RASSF8: variants seen among roughly 807,000 people sequenced by gnomAD.
RASSF8 encodes the protein Ras association domain family member 8.
In RASSF8, 22 loss-of-function variants were observed where a neutral mutation model predicts 48.5. That is an observed-to-expected ratio of 0.45 (90% CI 0.32 to 0.65). The LOEUF is 0.65. Ranked by LOEUF, RASSF8 falls within the 30% of genes least tolerant of loss-of-function variation. RASSF8 has a pLI of 0.03. For missense variants in RASSF8, 418 were observed against 489.2 expected (o/e 0.85, Z 1.37); for synonymous variants, 127 against 171.5 (o/e 0.74, Z 2.03).
At chr12:26,035,077 T>TA (rs1179446489) in intron 2 of RASSF8, among the ~76,000 whole-genome samples, 1 of 152,142 alleles carries the variant, frequency 6.6e-6, no homozygotes, top group Non-Finnish European at 1.5e-5. Context: ...ATACTACTGG[T>TA]AAAAATTATT....
chr12:26,023,362 TAAAGAG>T (rs1479979916), intron 2 of RASSF8, among the ~76,000 whole-genome samples: 3 of 152,084 alleles, frequency 2.0e-5, no homozygotes, highest in Admixed American at 1.3e-4. Context: ...TGCTGAAAGA[TAAAGAG>T]AAAATCTTAA....
At chr12:26,007,246 C>T (rs1942414097) in intron 2 of RASSF8, among the ~76,000 whole-genome samples, 1 of 152,134 alleles carries the variant, frequency 6.6e-6, no homozygotes, top group African/African-American at 2.4e-5. Context: ...CCCCACGTCC[C>T]CACTGCCACA....
Position 26,041,542 on chromosome 12 carries a change from T to A in RASSF8, c.-108-13694T>A, listed in dbSNP as rs528633299. On this transcript the variant is annotated intron_variant, in intron 2 of 5. Coordinates refer to ENST00000689635, the MANE Select transcript of RASSF8 (RefSeq NM_001394098.1). ...CACAAGACTAGGAATTGTAAAGAAG[T>A]GGGGAAAACTCTGATTTCTAGCTTA... Among the ~76,000 whole-genome samples the A allele has an allele frequency of 8.6e-5, 13 of 151,816 alleles. No homozygotes were observed. The South Asian group carries it at 2.7e-3, about 32-fold the overall frequency.
In RASSF8 at chr12:25,965,028, C is replaced by T. The variant is rs369466556; in HGVS notation, c.-203+5880C>T. On this transcript the variant is annotated intron_variant, in intron 1 of 5. Transcript: ENST00000689635. ...CACGATCTTGGCTCACTGCAAGCTC[C>T]GCCTCCCGGGTTCATGCCATTCTCC... Among the ~76,000 whole-genome samples, 29 of 151,440 alleles carry T rather than the reference C, an allele frequency of 1.9e-4. No individual in the cohort carries two copies. The East Asian group carries it at 4.0e-3, about 21-fold the overall frequency.
chr12:25,965,618 A>G (rs890727456), intron 1 of RASSF8, among the ~76,000 whole-genome samples: 4 of 152,030 alleles, frequency 2.6e-5, no homozygotes, highest in Admixed American at 6.6e-5. Flanking sequence ...AGCCTCCCAA[A>G]GTACTGGGAT....
At chr12:25,967,843 C>T (rs996453691) in intron 1 of RASSF8, among the ~76,000 whole-genome samples, 1 of 152,210 alleles carries the variant, frequency 6.6e-6, no homozygotes, top group Non-Finnish European at 1.5e-5. Context: ...TCTATCCAGG[C>T]AAGTAGCTCT....
Position 26,069,826 on chromosome 12 carries a change from A to G in RASSF8, c.*1008A>G. On this transcript the variant is annotated 3_prime_UTR_variant, in exon 6 of 6. Transcript: ENST00000689635. ...ATTGCTTGCACATAATTTGCTCTGCATATTATGGACCATTGTGGTTTCTTC... is the reference window on the plus strand; with the variant it reads ...ATTGCTTGCACATAATTTGCTCTGCGTATTATGGACCATTGTGGTTTCTTC... 1 of 985,236 alleles carries G rather than the reference A, an allele frequency of 1.0e-6. No homozygotes were observed. The highest frequency in any genetic ancestry group is 1.2e-6 in the Non-Finnish European group (1 of 829,748). The allele number at this position is 985,236 out of a possible 1,614,324, so 61.0% of individuals were successfully genotyped here. A position where few individuals can be genotyped will look rare whatever the true frequency, so the allele number is the denominator to read the frequency against.
In RASSF8 at chr12:26,024,483, CCT is replaced by C. The variant is rs529748120; in HGVS notation, c.-109+29354_-109+29355del. 3.3e-3 allele frequency among the ~76,000 whole-genome samples: 506 copies of C among 152,256 alleles called. 1 individual carries two copies. Among genetic ancestry groups the C allele is most frequent in the Non-Finnish European group, 5.4e-3 (370 of 68,022 alleles). On this transcript the variant is annotated intron_variant, in intron 2 of 5. Coordinates refer to ENST00000689635, the MANE Select transcript of RASSF8 (RefSeq NM_001394098.1). Reference sequence around the variant, plus strand: ...GCTCATTCTGCGAGGCCAGAATTACCCTGATACCAAGACCAGACAAAACTTTA... The same window carrying C: ...GCTCATTCTGCGAGGCCAGAATTACCGATACCAAGACCAGACAAAACTTTA...
intron 1 of RASSF8, among the ~76,000 whole-genome samples, chr12:25,971,479 T>C (rs533722481): frequency 6.6e-6 from 1 of 152,304 alleles, no homozygotes; most frequent in African/African-American, 2.4e-5. Context: ...GAAAAACTTC[T>C]GATGATCTCT....
chr12:26,062,299 TA>T (rs946276889), intron 3 of RASSF8, among the ~76,000 whole-genome samples: 66 of 152,370 alleles, frequency 4.3e-4, no homozygotes, highest in African/African-American at 1.6e-3. Flanking sequence ...GAGTAATTTT[TA>T]ACCTGAAAAT....
intron 2 of RASSF8, among the ~76,000 whole-genome samples, chr12:26,045,468 A>C (rs1212207939): frequency 6.6e-6 from 1 of 152,108 alleles, no homozygotes; most frequent in African/African-American, 2.4e-5. Context: ...CCGTTTCCTC[A>C]CAAAATTATT....
At chr12:26,012,400 A>G (rs983404937) in intron 2 of RASSF8, among the ~76,000 whole-genome samples, 1 of 152,200 alleles carries the variant, frequency 6.6e-6, no homozygotes, top group Non-Finnish European at 1.5e-5. Flanking sequence ...TGTAACTGGC[A>G]ATGAATATTT....
intron 2 of RASSF8, among the ~76,000 whole-genome samples, chr12:26,003,646 G>A (rs1010271677): frequency 6.6e-6 from 1 of 151,848 alleles, no homozygotes; most frequent in Admixed American, 6.6e-5. Flanking sequence ...AACCTAGAAG[G>A]AAACATACTA....
chr12:26,028,921 A>T (rs936256326), intron 2 of RASSF8, among the ~76,000 whole-genome samples: 1 of 152,148 alleles, frequency 6.6e-6, no homozygotes, highest in Non-Finnish European at 1.5e-5. Context: ...TTGCTTTTTT[A>T]AAAAAAGCCA....
At chr12:26,044,210 GC>G (rs778502992) in intron 2 of RASSF8, among the ~76,000 whole-genome samples, 5 of 152,000 alleles carry the variant, frequency 3.3e-5, no homozygotes, top group African/African-American at 4.8e-5. Context: ...AGTGATTTTT[GC>G]CAGTTTGCTT....
At chr12:25,994,550 A>G (rs1383242404) in intron 1 of RASSF8, among the ~76,000 whole-genome samples, 1 of 152,214 alleles carries the variant, frequency 6.6e-6, no homozygotes, top group Non-Finnish European at 1.5e-5. Context: ...CAGTAGTAGG[A>G]ATTTGTACTT....
Position 26,050,073 on chromosome 12 carries a change from A to G in RASSF8, c.-108-5163A>G, listed in dbSNP as rs183071859. 5.0e-3 allele frequency among the ~76,000 whole-genome samples: 761 copies of G among 152,308 alleles called. 6 individuals carry two copies. The highest frequency in any genetic ancestry group is 0.017 in the African/African-American group (718 of 41,580). ...GCTGGAATTACAGGCGTGAGCCACC[A>G]CGCCCAGCCAAAGACATAATTCTTA... On this transcript the variant is annotated intron_variant, in intron 2 of 5. Coordinates refer to ENST00000689635, the MANE Select transcript of RASSF8 (RefSeq NM_001394098.1).
chr12:26,075,722 A>G (rs1029417648), downstream of RASSF8, among the ~76,000 whole-genome samples: 1 of 152,192 alleles, frequency 6.6e-6, no homozygotes. Context: ...AACAAATTGA[A>G]ATACTTAGTA....
At chr12:26,017,169 G>A (rs1196507898) in intron 2 of RASSF8, among the ~76,000 whole-genome samples, 1 of 152,004 alleles carries the variant, frequency 6.6e-6, no homozygotes, top group African/African-American at 2.4e-5. Context: ...TATCAATATT[G>A]TTAATTATAA....
Sources: allele counts gnomAD v4.1 joint callset (sites outside exome capture counted in the v4.1 genomes callset), GRCh38; gene constraint gnomAD v4.1.1; transcripts MANE v1.5; gene names NCBI Gene and HGNC (gene_info 2026-07-23, HGNC 2026-07-21).